Variants in CAMSAP1 observed in about 807,000 individuals in gnomAD.
CAMSAP1 encodes calmodulin regulated spectrin associated protein 1.
Under a neutral mutation model 143.5 loss-of-function variants are expected in CAMSAP1, and 58 were observed. That is an observed-to-expected ratio of 0.40 (90% CI 0.33 to 0.50). The LOEUF is 0.50. Among genes scored for constraint, CAMSAP1 ranks in the 20% least tolerant of loss-of-function variants. CAMSAP1 has a pLI of 0.45. For synonymous variants in CAMSAP1, 945 were observed against 859.3 expected, an observed-to-expected ratio of 1.10 and a Z score of -1.74; for missense variants, 1,969 against 2,115.7, an observed-to-expected ratio of 0.93 and a Z score of 1.36.
At chr9:135,850,560 T>C (rs1836739327) in intron 5 of CAMSAP1, 99 bp from the exon 6 acceptor site, 1 of 893,376 alleles carries the variant, frequency 1.1e-6, no homozygotes, top group Admixed American at 3.2e-5. Context: ...ATAAAGGTAG[T>C]AATGAAGATA....
chr9:135,872,721 T>C (rs1317923135), intron 3 of CAMSAP1, among the ~76,000 whole-genome samples: 1 of 152,238 alleles, frequency 6.6e-6, no homozygotes, highest in Non-Finnish European at 1.5e-5. Flanking sequence ...CCACATTAAA[T>C]GAAGTAGACT....
At chr9:135,825,489 A>G (rs574115905) in intron 8 of CAMSAP1, among the ~76,000 whole-genome samples, 15 of 152,214 alleles carry the variant, frequency 9.9e-5, no homozygotes, top group Non-Finnish European at 1.8e-4. Flanking sequence ...GCTTAAGAGA[A>G]AGAACGATGA....
intron 7 of CAMSAP1, among the ~76,000 whole-genome samples, chr9:135,831,607 C>G (rs757954907): frequency 6.6e-6 from 1 of 151,620 alleles, no homozygotes; most frequent in Non-Finnish European, 1.5e-5. Context: ...TCAAAGTTAG[C>G]AGAAGAAAGG....
At chr9:135,866,230 A>C (rs1036198949) in intron 4 of CAMSAP1, 67 of 471,638 alleles carry the variant, frequency 1.4e-4, no homozygotes, top group African/African-American at 1.3e-3. Flanking sequence ...CACGCACCAT[A>C]AAGTGCAATA....
At chr9:135,852,387 T>C (rs1194582821) in intron 5 of CAMSAP1, among the ~76,000 whole-genome samples, 2 of 152,244 alleles carry the variant, frequency 1.3e-5, no homozygotes, top group African/African-American at 4.8e-5. Flanking sequence ...TTGTGCTTTT[T>C]ATAATTTTGG....
intron 7 of CAMSAP1, among the ~76,000 whole-genome samples, chr9:135,833,161 A>C (rs1392335172): frequency 6.7e-6 from 1 of 149,890 alleles, no homozygotes; most frequent in East Asian, 2.0e-4. Context: ...GGCTCACTGC[A>C]AGCTCCGCCT....
In CAMSAP1 at chr9:135,820,950, G is replaced by A. The variant is rs1182768646; in HGVS notation, c.3711C>T (p.Asp1237=). ...LRSRASLIEV[D]LSDLKAPDED... is the part of the protein sequence containing the mutation. ...CGTCGGGGGCCTTCAGGTCGGAGAG[G>A]TCCACTTCAATGAGGCTGGCCCTGC... The change falls in exon 11 of 17, where the codon GAC becomes GAT. Residue 1237 remains aspartate, a synonymous_variant. Coordinates refer to ENST00000389532, the MANE Select transcript of CAMSAP1 (RefSeq NM_015447.4). This position sits in a 1 kb window ranked among gnomAD's most constrained non-coding sequence, Gnocchi z 4.4. 2.5e-6 allele frequency: 4 copies of A among 1,613,528 alleles called. No individual in the cohort carries two copies. Among genetic ancestry groups the A allele is most frequent in the Non-Finnish European group, 3.4e-6 (4 of 1,179,714 alleles).
intron 7 of CAMSAP1, chr9:135,836,287 A>G: frequency 1.0e-6 from 1 of 983,004 alleles, no homozygotes; most frequent in Non-Finnish European, 1.2e-6. Context: ...ACACATCACC[A>G]CGTACCTTCT....
intron 7 of CAMSAP1, among the ~76,000 whole-genome samples, chr9:135,838,182 C>G (rs1299931607): frequency 6.6e-6 from 1 of 150,554 alleles, no homozygotes; most frequent in Non-Finnish European, 1.5e-5. Flanking sequence ...ACCCGTTCTA[C>G]AGACACACGT....
rs1835621885 is a variant in CAMSAP1, at chr9:135,824,985, T to TG, written c.1224-106dup. On this transcript the variant is annotated intron_variant, in intron 8 of 16. Coordinates refer to ENST00000389532, the MANE Select transcript of CAMSAP1 (RefSeq NM_015447.4). This position sits in a 1 kb window ranked among gnomAD's most constrained non-coding sequence, Gnocchi z 4.1. ...ACCATCCTGAATTCACACCAAGTTT[T>TG]GAGAAACTCGGACTGTTTGGGAAAA... 1 of 898,990 alleles carries TG rather than the reference T, an allele frequency of 1.1e-6. No individual in the cohort carries two copies. The highest frequency in any genetic ancestry group is 3.0e-5 in the Admixed American group (1 of 32,834). 55.7% of individuals were successfully genotyped at this position (898,990 alleles called of 1,614,324 possible). A position where few individuals can be genotyped will look rare whatever the true frequency, so the allele number is the denominator to read the frequency against.
At position 135,820,776 on chromosome 9, in the gene CAMSAP1, T is replaced by A; in HGVS notation, c.3822+63A>T. 5.1e-6 allele frequency: 8 copies of A among 1,569,986 alleles called. No individual in the cohort carries two copies. Among genetic ancestry groups the A allele is most frequent in the Non-Finnish European group, 6.9e-6 (8 of 1,160,018 alleles). ...CTGGTGCAGATCTGTGTTCTCTAACTCACTATCACGTGGGGTGGCAACACA... is the reference window on the plus strand; with the variant it reads ...CTGGTGCAGATCTGTGTTCTCTAACACACTATCACGTGGGGTGGCAACACA... On this transcript the variant is annotated intron_variant, in intron 11 of 16. Coordinates refer to ENST00000389532, the MANE Select transcript of CAMSAP1 (RefSeq NM_015447.4). The surrounding 1 kb of genome is among the most constrained non-coding windows in gnomAD (Gnocchi z 4.4).
At chr9:135,813,891 C>T (rs552763824) in intron 16 of CAMSAP1, among the ~76,000 whole-genome samples, 1 of 152,234 alleles carries the variant, frequency 6.6e-6, no homozygotes, top group Non-Finnish European at 1.5e-5. Context: ...CCACAGGCTG[C>T]TGTGGATCCA....
At chr9:135,812,585 T>A (rs1347348946) in intron 16 of CAMSAP1, among the ~76,000 whole-genome samples, 2 of 151,892 alleles carry the variant, frequency 1.3e-5, no homozygotes, top group African/African-American at 4.8e-5. Context: ...TAGGCGGTGG[T>A]GATGGTTGTG....
At chr9:135,902,876 G>A (rs191790746) in intron 1 of CAMSAP1, among the ~76,000 whole-genome samples, 370 of 152,298 alleles carry the variant, frequency 2.4e-3, no homozygotes, top group Non-Finnish European at 4.3e-3. Context: ...ATGAACTGGC[G>A]AACCCTAAGC....
In CAMSAP1 at chr9:135,811,599, A is replaced by G; in HGVS notation, c.4519T>C (p.Cys1507Arg). 1 of 1,588,296 alleles carries G rather than the reference A, an allele frequency of 6.3e-7. No homozygotes were observed. Among genetic ancestry groups the G allele is most frequent in the Non-Finnish European group, 8.6e-7 (1 of 1,166,838 alleles). ...AGTATGATGTAGTGATTGGCATCACACTTCTCCAGCTCCTGTGCAGAGAGA... is the reference window on the plus strand; with the variant it reads ...AGTATGATGTAGTGATTGGCATCACGCTTCTCCAGCTCCTGTGCAGAGAGA... ...KNSILEELEKCDANHYIILFR... is the reference protein window; with the variant it reads ...KNSILEELEKRDANHYIILFR... Residue 1507 changes from cysteine to arginine, a missense_variant, in exon 17 of 17, where the codon TGT becomes CGT. Physicochemically the swap from Cys to Arg is radical, Grantham distance 180. Coordinates refer to ENST00000389532, the MANE Select transcript of CAMSAP1 (RefSeq NM_015447.4). The surrounding 1 kb of genome is among the most constrained non-coding windows in gnomAD (Gnocchi z 4.9).
At chr9:135,845,687 T>C (rs1394249834) in intron 7 of CAMSAP1, among the ~76,000 whole-genome samples, 2 of 152,178 alleles carry the variant, frequency 1.3e-5, no homozygotes, top group East Asian at 1.9e-4. Context: ...ACAAAATCAA[T>C]GTGCAAAAAT....
rs1296165245 is a variant in CAMSAP1 at position 135,821,379 on chromosome 9, A to T, written c.3282T>A (p.Gly1094=). ...TTCCGGAACGGGAATTCCGGCCTTG[A>T]CCCAGCCGGGGGGCTTTGCGGTGGC... ...VAGHRKAPRL[G]QGRNSRSGRP... The change falls in exon 11 of 17, where the codon GGT becomes GGA. Residue 1094 remains glycine (G), a synonymous_variant. Transcript: ENST00000389532. The surrounding 1 kb of genome is among the most constrained non-coding windows in gnomAD (Gnocchi z 4.6). 1 of 1,613,638 alleles carries T rather than the reference A, an allele frequency of 6.2e-7. No individual in the cohort carries two copies. Among genetic ancestry groups the T allele is most frequent in the African/African-American group, 1.3e-5 (1 of 75,020 alleles).
chr9:135,822,959 C>A lies in CAMSAP1; in HGVS notation c.1702G>T (p.Gly568Cys). Residue 568 changes from glycine (G) to cysteine (C), a missense_variant, in exon 11 of 17, where the codon GGC becomes TGC. Around this residue, in one of 4 missense-constraint regions of CAMSAP1, gnomAD observed 1,390 missense variants for 1,420.8 expected, o/e 0.98. Transcript: ENST00000389532. This position sits in a 1 kb window ranked among gnomAD's most constrained non-coding sequence, Gnocchi z 6.1. ...GGAGACCGGGCATTTGCTGTAAGGC[C>A]TAAGGCCCGGGGTGAGGCCCTGGGG... ...EFPRASPRAL[G>C]LTANARSPQG... 2 of 1,613,998 alleles carry A rather than the reference C, an allele frequency of 1.2e-6. No individual in the cohort carries two copies. Among genetic ancestry groups the A allele is most frequent in the Non-Finnish European group, 1.7e-6 (2 of 1,179,896 alleles).
intron 7 of CAMSAP1, among the ~76,000 whole-genome samples, chr9:135,849,186 A>C (rs1364204188): frequency 2.6e-5 from 4 of 152,248 alleles, no homozygotes; most frequent in Non-Finnish European, 5.9e-5. Flanking sequence ...CAGTGTGCTC[A>C]GAACACTTAC....
Sources: allele counts gnomAD v4.1 joint callset (sites outside exome capture counted in the v4.1 genomes callset), GRCh38; gene constraint gnomAD v4.1.1; regional missense constraint gnomAD v4.1.1; non-coding constraint Gnocchi (gnomAD v3.1); transcripts MANE v1.5; gene names NCBI Gene and HGNC (gene_info 2026-07-23, HGNC 2026-07-21).